The following GNAQ variants were observed in gnomAD, a reference collection of about 807,000 sequenced individuals.
GNAQ encodes the protein guanine nucleotide-binding protein G(q) subunit alpha.
A neutral mutation model predicts 43.9 loss-of-function variants in GNAQ; 8 were observed. The ratio of observed to expected loss-of-function variants is 0.18; its 90% confidence interval spans 0.11 to 0.33. The LOEUF is 0.33. GNAQ is among the 10% of genes least tolerant of loss of function. GNAQ has a pLI of 1.00. For missense variants in GNAQ, 158 were observed against 450.8 expected (o/e 0.35, Z 5.88); for synonymous variants, 155 against 170.7 (o/e 0.91, Z 0.71).
intron 2 of GNAQ, among the ~76,000 whole-genome samples, chr9:77,917,944 T>C (rs776021414): frequency 7.9e-5 from 12 of 152,194 alleles, no homozygotes; most frequent in Non-Finnish European, 1.3e-4. Flanking sequence ...TTACTAATTA[T>C]GCAATCTGTT....
intron 1 of GNAQ, among the ~76,000 whole-genome samples, chr9:77,963,048 T>C (rs906482703): frequency 1.3e-5 from 2 of 152,248 alleles, no homozygotes. Flanking sequence ...AGATACTGGT[T>C]TGAAAAACGC....
chr9:77,775,418 T>C, intron 5 of GNAQ, among the ~76,000 whole-genome samples: 1 of 147,006 alleles, frequency 6.8e-6, no homozygotes. Flanking sequence ...TCTTTTTTTT[T>C]TTTTTTTTTG....
chr9:77,848,963 T>C (rs1011113492), intron 2 of GNAQ, among the ~76,000 whole-genome samples: 1 of 152,086 alleles, frequency 6.6e-6, no homozygotes, highest in Non-Finnish European at 1.5e-5. Context: ...AAAGGACAAA[T>C]GTTTCATTGA....
At position 77,904,317 on chromosome 9, in the gene GNAQ, C is replaced by CCTTTT. The variant is rs1244010736; in HGVS notation, c.321+17843_321+17844insAAAAG. Among the ~76,000 whole-genome samples the CCTTTT allele has an allele frequency of 9.0e-4, 70 of 77,432 alleles. 1 individual carries two copies. Among genetic ancestry groups the CCTTTT allele is most frequent in the African/African-American group, 3.9e-3 (69 of 17,650 alleles). 50.8% of individuals were successfully genotyped at this position (77,432 alleles called of 152,430 possible). Reference sequence around the variant, plus strand: ...TGGAGTTAACAGAAGTTCACACCGGCTTTTTTTTTTTTTTTTTTTTTTTTT... The same window carrying CCTTTT: ...TGGAGTTAACAGAAGTTCACACCGGCCTTTTTTTTTTTTTTTTTTTTTTTTTTTTT... On this transcript the variant is annotated intron_variant, in intron 2 of 6. Transcript: ENST00000286548.
At chr9:77,863,368 C>A (rs1195775531) in intron 2 of GNAQ, among the ~76,000 whole-genome samples, 1 of 152,118 alleles carries the variant, frequency 6.6e-6, no homozygotes, top group East Asian at 1.9e-4. Context: ...TAACAAGAGT[C>A]ACCTTTGCTC....
rs141874298 is a variant in GNAQ at position 78,009,479 on chromosome 9, T to C, written c.136+21621A>G. ...TACCAACACAAGTGGTGAAGTCAAA[T>C]GTGGGTAGCCTATTATTGGCTTCAT... On this transcript the variant is annotated intron_variant, in intron 1 of 6. Coordinates refer to ENST00000286548, the MANE Select transcript of GNAQ (RefSeq NM_002072.5). 1.3e-3 allele frequency among the ~76,000 whole-genome samples: 201 copies of C among 152,326 alleles called. 1 individual carries two copies. The highest frequency in any genetic ancestry group is 4.7e-3 in the African/African-American group (197 of 41,566).
intron 5 of GNAQ, among the ~76,000 whole-genome samples, chr9:77,761,056 A>T (rs1290571155): frequency 6.9e-6 from 1 of 144,928 alleles, no homozygotes; most frequent in Non-Finnish European, 1.5e-5. Context: ...CCCGGCAGCC[A>T]CCCCATCTGG....
At chr9:78,029,251 C>T (rs1480528658) in intron 1 of GNAQ, among the ~76,000 whole-genome samples, 1 of 151,770 alleles carries the variant, frequency 6.6e-6, no homozygotes, top group Non-Finnish European at 1.5e-5. Flanking sequence ...CTGCCCAGTT[C>T]ACAATTAAAC....
chr9:77,912,398 C>T (rs1486905639), intron 2 of GNAQ, among the ~76,000 whole-genome samples: 2 of 152,142 alleles, frequency 1.3e-5, no homozygotes, highest in East Asian at 3.9e-4. Flanking sequence ...CTCTATAATC[C>T]ACCTGAAATG....
intron 1 of GNAQ, among the ~76,000 whole-genome samples, chr9:77,977,080 T>C (rs944871244): frequency 3.9e-5 from 6 of 152,340 alleles, no homozygotes; most frequent in South Asian, 2.1e-4. Context: ...TACCCCTTTT[T>C]ATCTCCTTTA....
At chr9:77,946,651 TG>T (rs1315016213) in intron 1 of GNAQ, among the ~76,000 whole-genome samples, 1 of 152,204 alleles carries the variant, frequency 6.6e-6, no homozygotes, top group African/African-American at 2.4e-5. Flanking sequence ...TAAAATAAAA[TG>T]AAACCTTCTC....
intron 5 of GNAQ, among the ~76,000 whole-genome samples, chr9:77,747,504 A>C (rs1314961684): frequency 6.6e-6 from 1 of 152,208 alleles, no homozygotes; most frequent in Non-Finnish European, 1.5e-5. Flanking sequence ...TGACATTCTA[A>C]GACATTATCT....
chr9:78,006,671 C>T (rs1041021871), intron 1 of GNAQ, among the ~76,000 whole-genome samples: 6 of 152,254 alleles, frequency 3.9e-5, no homozygotes, highest in South Asian at 4.1e-4. Flanking sequence ...TGGAAATTTA[C>T]TGCAAAGTTA....
chr9:77,962,638 C>A (rs1023481351), intron 1 of GNAQ, among the ~76,000 whole-genome samples: 3 of 151,956 alleles, frequency 2.0e-5, no homozygotes, highest in Non-Finnish European at 2.9e-5. Flanking sequence ...ACCTGTAATC[C>A]CAGAACTTTG....
chr9:77,970,055 C>T (rs1462943142), intron 1 of GNAQ, among the ~76,000 whole-genome samples: 1 of 152,004 alleles, frequency 6.6e-6, no homozygotes, highest in Non-Finnish European at 1.5e-5. Flanking sequence ...GCTGTCTCTA[C>T]CAAAAACACA....
At chr9:77,825,497 T>A (rs1482619982) in intron 2 of GNAQ, among the ~76,000 whole-genome samples, 1 of 152,112 alleles carries the variant, frequency 6.6e-6, no homozygotes, top group Admixed American at 6.5e-5. Context: ...ACCACATGCT[T>A]CTCCACCATC....
At chr9:77,793,579 G>A (rs1374116364) in intron 5 of GNAQ, among the ~76,000 whole-genome samples, 2 of 152,002 alleles carry the variant, frequency 1.3e-5, no homozygotes, top group African/African-American at 4.8e-5. Context: ...AGCAAACGGG[G>A]ATCTCTCACT....
chr9:77,984,717 T>C (rs752142206), intron 1 of GNAQ, among the ~76,000 whole-genome samples: 47 of 152,124 alleles, frequency 3.1e-4, no homozygotes, highest in Non-Finnish European at 1.3e-4. Context: ...AGGGATTCAG[T>C]GCAGGTGCTC....
chr9:77,820,799 T>C (rs1456310764), intron 2 of GNAQ, among the ~76,000 whole-genome samples: 1 of 152,224 alleles, frequency 6.6e-6, no homozygotes, highest in Non-Finnish European at 1.5e-5. Flanking sequence ...GTACCAGCCC[T>C]GTGTCTTTAG....
Sources: gnomAD v4.1 joint callset for allele counts (sites outside exome capture counted in the v4.1 genomes callset) on GRCh38, gnomAD v4.1.1 for gene constraint, MANE v1.5 for transcripts, NCBI Gene and HGNC (gene_info 2026-07-23, HGNC 2026-07-21) for gene names.